The following RBFOX1 variants were observed in gnomAD, a reference collection of about 807,000 sequenced individuals.
RBFOX1 encodes RNA binding fox-1 homolog 1.
In RBFOX1, 8 loss-of-function variants were observed where a neutral mutation model predicts 57.7. That is an observed-to-expected ratio of 0.14 (90% CI 0.08 to 0.25). The LOEUF (loss-of-function observed/expected upper bound fraction) is 0.25, where lower values mean the gene tolerates loss of function less well. Ranked by LOEUF, RBFOX1 falls within the 10% of genes least tolerant of loss-of-function variation. RBFOX1 has a pLI of 1.00. For missense variants in RBFOX1, 611 were observed against 548.5 expected, an observed-to-expected ratio of 1.11 and a Z score of -1.14; for synonymous variants, 326 against 222.4, an observed-to-expected ratio of 1.47 and a Z score of -4.15.
At chr16:7,004,031 T>G (rs949166989) in intron 3 of RBFOX1, 13 of 151,792 alleles carry the variant, frequency 8.6e-5, no homozygotes, top group Non-Finnish European at 1.6e-4. Context: ...CTTCACAAAT[T>G]TGCGTGCCAT....
At chr16:6,218,285 AT>A (rs2097349231) in intron 1 of RBFOX1, among the ~76,000 whole-genome samples, 1 of 149,054 alleles carries the variant, frequency 6.7e-6, no homozygotes, top group South Asian at 2.1e-4. Flanking sequence ...CTTTTTATTT[AT>A]TTATTTATTT....
chr16:5,786,083 C>G (rs1238770607), intron 3 of RBFOX1, among the ~76,000 whole-genome samples: 5 of 152,146 alleles, frequency 3.3e-5, no homozygotes, highest in African/African-American at 9.7e-5. Flanking sequence ...TTGGATGATC[C>G]AAAACCCTTA....
At chr16:5,757,508 G>T (rs867918380) in intron 3 of RBFOX1, among the ~76,000 whole-genome samples, 1 of 152,064 alleles carries the variant, frequency 6.6e-6, no homozygotes, top group Non-Finnish European at 1.5e-5. Flanking sequence ...GGGATTACAG[G>T]CATGAGTCAC....
At chr16:5,854,664 C>A (rs1015056566) in intron 3 of RBFOX1, among the ~76,000 whole-genome samples, 3 of 152,032 alleles carry the variant, frequency 2.0e-5, no homozygotes, top group African/African-American at 7.3e-5. Flanking sequence ...TGTTTCCATA[C>A]TTTGCTGTAG....
chr16:6,427,560 A>G (rs2093964822), intron 2 of RBFOX1, among the ~76,000 whole-genome samples: 2 of 133,514 alleles, frequency 1.5e-5, no homozygotes, highest in Non-Finnish European at 3.1e-5. Flanking sequence ...TTTGTGCCCA[A>G]TGGTGTTGAA....
At chr16:7,641,810 C>T (rs781272762) in intron 11 of RBFOX1, among the ~76,000 whole-genome samples, 7 of 152,158 alleles carry the variant, frequency 4.6e-5, no homozygotes, top group Admixed American at 2.0e-4. Context: ...GTCTCCTCGC[C>T]ATGTAAATAG....
chr16:5,434,735 A>G (rs2067864355), intron 1 of RBFOX1, among the ~76,000 whole-genome samples: 1 of 152,118 alleles, frequency 6.6e-6, no homozygotes, highest in Non-Finnish European at 1.5e-5. Flanking sequence ...GATTTAGCTT[A>G]TTTGCAATAC....
intron 3 of RBFOX1, among the ~76,000 whole-genome samples, chr16:6,662,853 C>A (rs1414553854): frequency 6.6e-6 from 1 of 152,128 alleles, no homozygotes; most frequent in African/African-American, 2.4e-5. Context: ...CTTCAACGAG[C>A]TATTTCTTTT....
At chr16:6,277,575 C>T (rs1599097692) in intron 1 of RBFOX1, among the ~76,000 whole-genome samples, 2 of 148,868 alleles carry the variant, frequency 1.3e-5, no homozygotes, top group Admixed American at 1.3e-4. Context: ...AGTTGGAGAT[C>T]AGCCTGGGCA....
At chr16:7,570,801 G>A (rs1205472641) in intron 5 of RBFOX1, among the ~76,000 whole-genome samples, 1 of 152,132 alleles carries the variant, frequency 6.6e-6, no homozygotes, top group Admixed American at 6.5e-5. Context: ...GTTCACTGCA[G>A]CACTATTCAC....
intron 4 of RBFOX1, among the ~76,000 whole-genome samples, chr16:7,300,533 A>T (rs992178378): frequency 4.6e-5 from 7 of 152,210 alleles, no homozygotes; most frequent in African/African-American, 1.7e-4. Context: ...CCCAGTATAG[A>T]TGATTACATT....
At chr16:5,584,236 C>G (rs1278236302) in intron 2 of RBFOX1, among the ~76,000 whole-genome samples, 3 of 152,184 alleles carry the variant, frequency 2.0e-5, no homozygotes, top group Non-Finnish European at 2.9e-5. Flanking sequence ...GCCATTCTCC[C>G]CAACTTCATT....
chr16:6,904,599 T>TAAAAAAAAAAAA (rs71147623), intron 3 of RBFOX1, among the ~76,000 whole-genome samples: 2 of 64,006 alleles, frequency 3.1e-5, no homozygotes, highest in Non-Finnish European at 5.5e-5. Context: ...AGACTCTCTC[T>TAAAAAAAAAAAA]AAAAAAAAAA....
In RBFOX1 at chr16:7,121,831, C is replaced by T. The variant is rs553386242; in HGVS notation, c.27+69733C>T. Among the ~76,000 whole-genome samples the T allele has an allele frequency of 3.3e-5, 5 of 152,012 alleles. No homozygotes were observed. In the South Asian group the frequency reaches 8.3e-4, roughly 25 times the overall value. On this transcript the variant is annotated intron_variant, in intron 4 of 15. Transcript: ENST00000550418. Reference sequence around the variant, plus strand: ...TAGTGCAAACCAGTAAAGGAGAAGACACATTAATCAACTGGACAAAATAGA... The same window carrying T: ...TAGTGCAAACCAGTAAAGGAGAAGATACATTAATCAACTGGACAAAATAGA...
chr16:6,088,819 A>G (rs8057646), intron 1 of RBFOX1, among the ~76,000 whole-genome samples: 5,319 of 152,204 alleles, frequency 0.035, 337 homozygotes, highest in African/African-American at 0.12. Flanking sequence ...TGATCCGGCC[A>G]GGCGCGGTGG....
chr16:6,202,240 C>G (rs771514915), intron 1 of RBFOX1, among the ~76,000 whole-genome samples: 1 of 152,166 alleles, frequency 6.6e-6, no homozygotes, highest in Admixed American at 6.5e-5. Flanking sequence ...GGCTGTGTCT[C>G]TACTGTTCTC....
chr16:6,576,126 T>A (rs2097432006), intron 2 of RBFOX1, among the ~76,000 whole-genome samples: 1 of 152,198 alleles, frequency 6.6e-6, no homozygotes, highest in African/African-American at 2.4e-5. Flanking sequence ...GATTAGCATC[T>A]ACTTTATCAG....
intron 1 of RBFOX1, among the ~76,000 whole-genome samples, chr16:5,463,124 C>A (rs527565141): frequency 6.6e-6 from 1 of 152,142 alleles, no homozygotes; most frequent in Admixed American, 6.5e-5. Context: ...GAAGAATACA[C>A]GTCAACCTTG....
At chr16:7,541,995 G>A (rs561456456) in intron 5 of RBFOX1, among the ~76,000 whole-genome samples, 3 of 152,316 alleles carry the variant, frequency 2.0e-5, no homozygotes, top group East Asian at 1.9e-4. Flanking sequence ...GGCCTTGGCC[G>A]GCAGCTGAGG....
Sources: allele counts gnomAD v4.1 joint callset (sites outside exome capture counted in the v4.1 genomes callset), GRCh38; gene constraint gnomAD v4.1.1; transcripts MANE v1.5; gene names NCBI Gene and HGNC (gene_info 2026-07-23, HGNC 2026-07-21).